The following CYFIP1 variants were observed in gnomAD, a reference collection of about 807,000 sequenced individuals.
The protein encoded by CYFIP1 is cytoplasmic FMR1 interacting protein 1.
CYFIP1 carries 58 observed loss-of-function variants against 163.5 expected under a neutral mutation model. The observed-to-expected ratio is 0.35, with a 90% CI of 0.29 to 0.44. The LOEUF (loss-of-function observed/expected upper bound fraction) is 0.44. Ranked by LOEUF, CYFIP1 falls within the 20% of genes least tolerant of loss-of-function variation. CYFIP1 has a pLI of 1.00. For synonymous variants in CYFIP1, 663 were observed against 660.7 expected, an observed-to-expected ratio of 1.00 and a Z score of -0.05; for missense variants, 1,338 against 1,653.8, an observed-to-expected ratio of 0.81 and a Z score of 3.31.
chr15:22,947,301 C>T lies in CYFIP1; in HGVS notation c.-6-10G>A, dbSNP rs749467303. Reference sequence around the variant, plus strand: ...GGGCCGCCATCCTGGGCTGGAACAACACATAAGGACCCCTGTTCTGTGAGG... The same window carrying T: ...GGGCCGCCATCCTGGGCTGGAACAATACATAAGGACCCCTGTTCTGTGAGG... On this transcript the variant is annotated splice_polypyrimidine_tract_variant and intron_variant, in intron 1 of 30. Coordinates refer to ENST00000617928, the MANE Select transcript of CYFIP1 (RefSeq NM_014608.6). 6.2e-7 allele frequency: 1 copy of T among 1,612,668 alleles called. No homozygotes were observed. The highest frequency in any genetic ancestry group is 2.2e-5 in the East Asian group (1 of 44,852).
chr15:22,963,852 T>G (rs1011523207), intron 1 of CYFIP1, among the ~76,000 whole-genome samples: 1 of 152,094 alleles, frequency 6.6e-6, no homozygotes, highest in Middle Eastern at 3.2e-3. Context: ...CTGGACACCA[T>G]GCCTTCATGA....
chr15:22,878,644 T>C (rs778140583), intron 26 of CYFIP1, among the ~76,000 whole-genome samples: 2 of 142,368 alleles, frequency 1.4e-5, no homozygotes, highest in Non-Finnish European at 1.5e-5. Flanking sequence ...TTCAAAAAGA[T>C]ACTGAAAGTT....
At chr15:22,906,777 TTTC>T (rs1339384693) in intron 21 of CYFIP1, among the ~76,000 whole-genome samples, 1 of 152,214 alleles carries the variant, frequency 6.6e-6, no homozygotes, top group Non-Finnish European at 1.5e-5. Flanking sequence ...CAACTACTAC[TTTC>T]TTCATTTCTT....
At chr15:22,974,686 C>T (rs1201716461) in intron 1 of CYFIP1, among the ~76,000 whole-genome samples, 1 of 152,156 alleles carries the variant, frequency 6.6e-6, no homozygotes, top group Non-Finnish European at 1.5e-5. Flanking sequence ...GCTGAGATCA[C>T]ACCACTGCAC....
At chr15:22,961,458 A>G (rs1310638437) in intron 1 of CYFIP1, among the ~76,000 whole-genome samples, 1 of 152,188 alleles carries the variant, frequency 6.6e-6, no homozygotes, top group Non-Finnish European at 1.5e-5. Flanking sequence ...AGCTTACTGC[A>G]GCCTCAACTT....
chr15:22,937,816 G>C (rs913002136), intron 8 of CYFIP1, among the ~76,000 whole-genome samples: 2 of 151,972 alleles, frequency 1.3e-5, no homozygotes, highest in African/African-American at 4.8e-5. Flanking sequence ...TGTTGGTCAG[G>C]CTGGTGTAAA....
At chr15:22,913,560 G>GA (rs1287030177) in intron 17 of CYFIP1, among the ~76,000 whole-genome samples, 7 of 32,264 alleles carry the variant, frequency 2.2e-4, no homozygotes, top group Admixed American at 3.8e-4. Flanking sequence ...AAGAAAGAAA[G>GA]AAAAAAAAGA....
chr15:22,870,361 C>T (rs568185038), intron 30 of CYFIP1, among the ~76,000 whole-genome samples, 169 bp from the exon 31 acceptor site: 2 of 151,848 alleles, frequency 1.3e-5, no homozygotes, highest in South Asian at 2.1e-4. Context: ...CTCACTCTGA[C>T]GCCCAGGCTG....
At chr15:22,956,740 G>A (rs1163622143) in intron 1 of CYFIP1, among the ~76,000 whole-genome samples, 1 of 152,200 alleles carries the variant, frequency 6.6e-6, no homozygotes, top group Non-Finnish European at 1.5e-5. Context: ...CGAGACAGCA[G>A]TGTGCATGCG....
chr15:22,882,713 G>T (rs1450230483), intron 24 of CYFIP1, among the ~76,000 whole-genome samples, 155 bp downstream of exon 24: 1 of 152,154 alleles, frequency 6.6e-6, no homozygotes, highest in Non-Finnish European at 1.5e-5. Flanking sequence ...AAAAGATGAG[G>T]GAAGTATCAA....
At chr15:22,932,379 G>A (rs374807622) in intron 10 of CYFIP1, 39 bp from the exon 11 acceptor site, 28 of 1,455,146 alleles carry the variant, frequency 1.9e-5, no homozygotes, top group Middle Eastern at 1.8e-4. Context: ...CTGCGGAGGC[G>A]CCGGCAGGCC....
chr15:22,914,539 G>A lies in CYFIP1; in HGVS notation c.1985+187C>T, dbSNP rs550768582. ...ATTTCTGTGGTAAAGCAATCCTCCCGCATCAGCCACCACACCAGGCTAAGT... is the reference window on the plus strand; with the variant it reads ...ATTTCTGTGGTAAAGCAATCCTCCCACATCAGCCACCACACCAGGCTAAGT... On this transcript the variant is annotated intron_variant, in intron 17 of 30. Coordinates refer to ENST00000617928, the MANE Select transcript of CYFIP1 (RefSeq NM_014608.6). 1.4e-3 allele frequency among the ~76,000 whole-genome samples: 212 copies of A among 151,860 alleles called. 1 individual carries two copies. The highest frequency in any genetic ancestry group is 2.7e-3 in the South Asian group (13 of 4,810).
At chr15:22,877,804 G>T (rs1367815882) in intron 26 of CYFIP1, among the ~76,000 whole-genome samples, 1 of 152,250 alleles carries the variant, frequency 6.6e-6, no homozygotes, top group Non-Finnish European at 1.5e-5. Context: ...CCAGGAGAGG[G>T]TCTGCCTAGG....
chr15:22,889,650 C>T (rs1162922345), intron 23 of CYFIP1, among the ~76,000 whole-genome samples: 2 of 152,200 alleles, frequency 1.3e-5, no homozygotes, highest in Non-Finnish European at 2.9e-5. Context: ...CTGCCTCCCT[C>T]GCTTCCACAG....
At chr15:22,943,444 C>T (rs973381865) in intron 5 of CYFIP1, 90 bp from the exon 6 acceptor site, 27 of 1,389,408 alleles carry the variant, frequency 1.9e-5, no homozygotes, top group Non-Finnish European at 2.7e-5. Flanking sequence ...GTCACTGCTC[C>T]TCGATGAGAA....
At chr15:22,900,602 C>T (rs965906948) in intron 22 of CYFIP1, among the ~76,000 whole-genome samples, 9 of 151,632 alleles carry the variant, frequency 5.9e-5, no homozygotes, top group South Asian at 4.2e-4. Flanking sequence ...AGGGTTTCAC[C>T]GTGTTAGCCA....
intron 1 of CYFIP1, among the ~76,000 whole-genome samples, chr15:22,971,539 G>A (rs2063093937): frequency 6.6e-6 from 1 of 152,116 alleles, no homozygotes; most frequent in South Asian, 2.1e-4. Context: ...AGGCGTGGTA[G>A]TGGGCGCCTG....
intron 23 of CYFIP1, among the ~76,000 whole-genome samples, chr15:22,888,586 G>A (rs2059986113): frequency 6.6e-6 from 1 of 151,980 alleles, no homozygotes; most frequent in South Asian, 2.1e-4. Flanking sequence ...ACAAAAATTA[G>A]CCAGATGTGG....
intron 9 of CYFIP1, 112 bp from the exon 10 acceptor site, chr15:22,934,005 T>C (rs1369446468): frequency 1.5e-6 from 1 of 669,566 alleles, no homozygotes; most frequent in East Asian, 2.6e-5. Context: ...ATGCTACCTC[T>C]GCAAATGATT....
Sources: gnomAD v4.1 joint callset for allele counts (sites outside exome capture counted in the v4.1 genomes callset) on GRCh38, gnomAD v4.1.1 for gene constraint, MANE v1.5 for transcripts, NCBI Gene and HGNC (gene_info 2026-07-23, HGNC 2026-07-21) for gene names.